GPR137C: variants seen among roughly 807,000 people sequenced by gnomAD.
GPR137C encodes the protein G protein-coupled receptor 137C.
In GPR137C, 27 loss-of-function variants were observed where a neutral mutation model predicts 43.4. The observed-to-expected ratio is 0.62, with a 90% CI of 0.46 to 0.86. The LOEUF (loss-of-function observed/expected upper bound fraction) is 0.86. Among genes scored for constraint, GPR137C ranks in the 40% least tolerant of loss-of-function variants. The probability of loss-of-function intolerance (pLI) is 0.00; values close to 1 mark genes in which losing one functional copy is unlikely to be tolerated. For missense variants in GPR137C, 522 were observed against 534.6 expected, an observed-to-expected ratio of 0.98 and a Z score of 0.23; for synonymous variants, 285 against 226.9, an observed-to-expected ratio of 1.26 and a Z score of -2.30.
chr14:52,627,502 G>A (rs2039241467), intron 3 of GPR137C, among the ~76,000 whole-genome samples: 1 of 152,088 alleles, frequency 6.6e-6, no homozygotes, highest in Non-Finnish European at 1.5e-5. Context: ...TTAAAAAGAA[G>A]ACAAGTTGAT....
At chr14:52,621,257 G>T (rs796665339) in intron 3 of GPR137C, among the ~76,000 whole-genome samples, 6 of 151,562 alleles carry the variant, frequency 4.0e-5, no homozygotes, top group African/African-American at 1.5e-4. Flanking sequence ...ACACGGAAAC[G>T]GTATTTTTTA....
rs1339431396 is a variant in GPR137C at position 52,552,889 on chromosome 14, C to G, written c.-259C>G. On this transcript the variant is annotated 5_prime_UTR_variant, in exon 1 of 7. Transcript: ENST00000321662. ...GGTTTCTCAGCTGATTGTCTCCAGC[C>G]GAGAGTTGTTTTTTGCAGCTACGGA... Among the ~76,000 whole-genome samples the G allele has an allele frequency of 6.6e-6, 1 of 151,558 alleles. No individual in the cohort carries two copies. Among genetic ancestry groups the G allele is most frequent in the East Asian group, 2.0e-4 (1 of 5,128 alleles).
chr14:52,586,504 C>G (rs2038715649), intron 1 of GPR137C, among the ~76,000 whole-genome samples: 1 of 152,188 alleles, frequency 6.6e-6, no homozygotes, highest in African/African-American at 2.4e-5. Flanking sequence ...AACAACGGCT[C>G]TACTTTCTTG....
chr14:52,631,337 A>C (rs567075059), intron 3 of GPR137C, among the ~76,000 whole-genome samples: 1 of 152,286 alleles, frequency 6.6e-6, no homozygotes, highest in African/African-American at 2.4e-5. Context: ...TTGCCCCTTA[A>C]TCATTGTGAC....
chr14:52,628,530 T>C (rs1009938930), intron 3 of GPR137C, among the ~76,000 whole-genome samples: 2 of 152,230 alleles, frequency 1.3e-5, no homozygotes, highest in South Asian at 4.1e-4. Flanking sequence ...GCATGGTGGC[T>C]CATGCCTGTA....
chr14:52,607,484 G>A lies in GPR137C; in HGVS notation c.717+7143G>A, dbSNP rs551485725. On this transcript the variant is annotated intron_variant, in intron 3 of 6. Coordinates refer to ENST00000321662, the MANE Select transcript of GPR137C (RefSeq NM_001099652.2). ...CATATATTTGGGTGTTCTTGGTGTTGGATGTATATATATTTATTGTTGTCA... is the reference window on the plus strand; with the variant it reads ...CATATATTTGGGTGTTCTTGGTGTTAGATGTATATATATTTATTGTTGTCA... Among the ~76,000 whole-genome samples the A allele has an allele frequency of 1.4e-4, 22 of 152,188 alleles. No homozygotes were observed. In the South Asian group the frequency reaches 4.6e-3, roughly 32 times the overall value.
At chr14:52,575,293 G>C (rs1054722246) in intron 1 of GPR137C, among the ~76,000 whole-genome samples, 1 of 152,186 alleles carries the variant, frequency 6.6e-6, no homozygotes, top group African/African-American at 2.4e-5. Context: ...TACTCAGGGG[G>C]CTGAGGTTGG....
chr14:52,628,899 A>G lies in GPR137C; in HGVS notation c.718-3261A>G, dbSNP rs115700747. Among the ~76,000 whole-genome samples the G allele has an allele frequency of 2.6e-3, 395 of 152,366 alleles. 2 individuals are homozygous for G. Among genetic ancestry groups the G allele is most frequent in the African/African-American group, 9.1e-3 (379 of 41,594 alleles). ...GTTTGCGATACGTATATCTGACAAGAGTTGATTGTCAGCATATATAAAGAT... is the reference window on the plus strand; with the variant it reads ...GTTTGCGATACGTATATCTGACAAGGGTTGATTGTCAGCATATATAAAGAT... On this transcript the variant is annotated intron_variant, in intron 3 of 6. Coordinates refer to ENST00000321662, the MANE Select transcript of GPR137C (RefSeq NM_001099652.2).
chr14:52,553,134 C>A lies in GPR137C; in HGVS notation c.-14C>A. ...TTCCTTCCCGCGCTCGCTCGCCCGG[C>A]CCCCAGCCCCCTCATGAGGGTGTCC... On this transcript the variant is annotated 5_prime_UTR_variant, in exon 1 of 7. Coordinates refer to ENST00000321662, the MANE Select transcript of GPR137C (RefSeq NM_001099652.2). 1 of 1,159,748 alleles carries A rather than the reference C, an allele frequency of 8.6e-7. No homozygotes were observed. Among genetic ancestry groups the A allele is most frequent in the Non-Finnish European group, 1.1e-6 (1 of 942,676 alleles). The allele number at this position is 1,159,748 out of a possible 1,614,324, so 71.8% of individuals were successfully genotyped here.
At chr14:52,623,397 C>A (rs1021396814) in intron 3 of GPR137C, among the ~76,000 whole-genome samples, 1 of 152,196 alleles carries the variant, frequency 6.6e-6, no homozygotes, top group Non-Finnish European at 1.5e-5. Flanking sequence ...ACTTTATTGG[C>A]CAATGCGATA....
chr14:52,587,813 A>G (rs2038731762), intron 1 of GPR137C, among the ~76,000 whole-genome samples: 1 of 152,186 alleles, frequency 6.6e-6, no homozygotes, highest in African/African-American at 2.4e-5. Context: ...CTAAACCGTA[A>G]GTTTGAAGGT....
chr14:52,574,946 T>A (rs1296958325), intron 1 of GPR137C, among the ~76,000 whole-genome samples: 1 of 152,186 alleles, frequency 6.6e-6, no homozygotes, highest in Non-Finnish European at 1.5e-5. Context: ...GGAAGTAGTG[T>A]TGGAAAACTT....
intron 1 of GPR137C, 80 bp downstream of exon 1, chr14:52,553,671 G>T (rs2038137290): frequency 2.3e-6 from 2 of 859,214 alleles, no homozygotes; most frequent in South Asian, 1.8e-5. Flanking sequence ...GGACCAGCGG[G>T]GGCGGGGGGT....
chr14:52,627,411 A>G (rs1460171502), intron 3 of GPR137C, among the ~76,000 whole-genome samples: 1 of 152,218 alleles, frequency 6.6e-6, no homozygotes, highest in South Asian at 2.1e-4. Flanking sequence ...GTAAAAATTT[A>G]AAAATTGAAA....
intron 1 of GPR137C, among the ~76,000 whole-genome samples, chr14:52,560,077 A>G (rs1269907021): frequency 6.6e-6 from 1 of 152,172 alleles, no homozygotes; most frequent in African/African-American, 2.4e-5. Context: ...GGATCACTTG[A>G]GTCCAGGAGA....
intron 1 of GPR137C, among the ~76,000 whole-genome samples, chr14:52,568,801 C>A (rs2038415501): frequency 6.6e-6 from 1 of 152,224 alleles, no homozygotes. Context: ...CAGTCAGGGG[C>A]TTATAGAGAA....
intron 1 of GPR137C, among the ~76,000 whole-genome samples, chr14:52,577,516 G>GCACACACACACACACA (rs3064748): frequency 6.2e-4 from 90 of 145,496 alleles, no homozygotes; most frequent in African/African-American, 1.1e-3. Flanking sequence ...GCGCGCGCGC[G>GCACACACACACACACA]CACACACACA....
intron 3 of GPR137C, among the ~76,000 whole-genome samples, chr14:52,626,494 G>A: frequency 6.6e-6 from 1 of 150,970 alleles, no homozygotes; most frequent in Non-Finnish European, 1.5e-5. Flanking sequence ...AGAAGAAAAG[G>A]AAAGTACTTC....
At chr14:52,615,230 T>C (rs1256662226) in intron 3 of GPR137C, among the ~76,000 whole-genome samples, 3 of 152,220 alleles carry the variant, frequency 2.0e-5, no homozygotes, top group African/African-American at 4.8e-5. Context: ...CCAGTGTATG[T>C]TCTTGGCACC....
Sources: gnomAD v4.1 joint callset for allele counts (sites outside exome capture counted in the v4.1 genomes callset) on GRCh38, gnomAD v4.1.1 for gene constraint, MANE v1.5 for transcripts, NCBI Gene and HGNC (gene_info 2026-07-23, HGNC 2026-07-21) for gene names.